ICAM2: variants seen among roughly 807,000 people sequenced by gnomAD.
ICAM2 encodes intercellular adhesion molecule 2.
ICAM2 carries 14 observed loss-of-function variants against 19.1 expected under a neutral mutation model. The observed-to-expected ratio is 0.73, with a 90% CI of 0.48 to 1.15. The LOEUF (loss-of-function observed/expected upper bound fraction) is 1.15. ICAM2 is among the 50% of genes most tolerant of loss of function. The pLI, the probability that ICAM2 is intolerant of heterozygous loss-of-function variation, is 0.00. For missense variants in ICAM2, 311 were observed against 355.4 expected, an observed-to-expected ratio of 0.88 and a Z score of 1.00; for synonymous variants, 153 against 152.7, an observed-to-expected ratio of 1.00 and a Z score of -0.01.
rs144876208 is a variant in ICAM2, at chr17:64,011,210, C to G, written c.-44-4475G>C. ...AGGCGTGGTGGCTTACACCCATAAT[C>G]CCAGCACTTTGGAAGGCCGAGGTGG... On this transcript the variant is annotated intron_variant, in intron 1 of 4. Transcript: ENST00000579788. Among the ~76,000 whole-genome samples, 60 of 152,274 alleles carry G rather than the reference C, an allele frequency of 3.9e-4. 1 individual carries two copies. The highest frequency in any genetic ancestry group is 1.4e-3 in the African/African-American group (60 of 41,568).
intron 2 of ICAM2, 149 bp downstream of exon 2, chr17:64,006,482 C>A: frequency 1.5e-6 from 1 of 662,798 alleles, no homozygotes; most frequent in Non-Finnish European, 2.7e-6. Context: ...GGGTGATAGA[C>A]CGAGACCCTG....
In ICAM2 at chr17:64,006,642, A is replaced by G; in HGVS notation, c.50T>C (p.Ile17Thr). Residue 17 changes from isoleucine (I) to threonine (T), a missense_variant, in exon 2 of 5, where the codon ATC (isoleucine) becomes ACC (threonine). Coordinates refer to ENST00000579788, the MANE Select transcript of ICAM2 (RefSeq NM_001099789.2). ...GGAAACTGGCTTACCTGGACAGCAG[A>G]TCAGGGTGAAGAGGGCCACAGTCAG... ...RTLTVALFTL[I>T]CCPGSDEKVF... 2 of 1,614,152 alleles carry G rather than the reference A, an allele frequency of 1.2e-6. No individual in the cohort carries two copies. The highest frequency in any genetic ancestry group is 1.7e-6 in the Non-Finnish European group (2 of 1,179,980).
At chr17:64,010,541 A>AG (rs1911408763) in intron 1 of ICAM2, among the ~76,000 whole-genome samples, 1 of 3,370 alleles carries the variant, frequency 3.0e-4, no homozygotes, top group African/African-American at 3.0e-4. Context: ...TGTTTGAAAG[A>AG]AAAAAAAAAA....
intron 1 of ICAM2, among the ~76,000 whole-genome samples, chr17:64,017,241 G>A (rs1165885103): frequency 6.6e-6 from 1 of 152,142 alleles, no homozygotes; most frequent in East Asian, 1.9e-4. Flanking sequence ...GTGACTCAAA[G>A]TAATAAGAGA....
intron 1 of ICAM2, among the ~76,000 whole-genome samples, chr17:64,014,334 A>AAGGAAG (rs1478789838): frequency 0.013 from 473 of 36,328 alleles, 8 homozygotes; most frequent in East Asian, 0.019. Flanking sequence ...AAGGAAGGAA[A>AAGGAAG]GAAAGAAAGA....
intron 1 of ICAM2, among the ~76,000 whole-genome samples, chr17:64,016,439 T>C (rs1267174825): frequency 1.3e-5 from 2 of 152,192 alleles, no homozygotes; most frequent in African/African-American, 4.8e-5. Context: ...ACTTATACTA[T>C]GCTTCTTTTT....
intron 4 of ICAM2, chr17:64,003,299 G>T: frequency 2.3e-6 from 1 of 425,832 alleles, no homozygotes; most frequent in South Asian, 2.8e-5. Context: ...CCTGTGTGCC[G>T]GCCGTCCAGG....
At chr17:64,019,204 A>G (rs901085699) in intron 1 of ICAM2, among the ~76,000 whole-genome samples, 4 of 152,212 alleles carry the variant, frequency 2.6e-5, no homozygotes, top group Non-Finnish European at 5.9e-5. Context: ...GTAACGCTAT[A>G]TAACTGTTTC....
At chr17:64,010,929 A>G (rs759199316) in intron 1 of ICAM2, among the ~76,000 whole-genome samples, 5 of 152,176 alleles carry the variant, frequency 3.3e-5, no homozygotes, top group Non-Finnish European at 5.9e-5. Context: ...TAAGTTATAT[A>G]AGGAATGGGA....
At chr17:64,020,068 C>T (rs1192679857) in intron 1 of ICAM2, among the ~76,000 whole-genome samples, 5 of 151,876 alleles carry the variant, frequency 3.3e-5, no homozygotes, top group Admixed American at 1.3e-4. Flanking sequence ...TAGGAAAGAC[C>T]CCCTCGAACC....
Position 64,002,683 on chromosome 17 carries a change from A to G in ICAM2, c.*64T>C. 1 of 1,479,106 alleles carries G rather than the reference A, an allele frequency of 6.8e-7. No homozygotes were observed. Among genetic ancestry groups the G allele is most frequent in the South Asian group, 1.2e-5 (1 of 83,068 alleles). 91.6% of individuals were successfully genotyped at this position (1,479,106 alleles called of 1,614,324 possible). Reference sequence around the variant, plus strand: ...AGTCCTTCAGCCAGGGCTGGACCTCAACCCTGAGGAGTCACACTGAGTTCC... The same window carrying G: ...AGTCCTTCAGCCAGGGCTGGACCTCGACCCTGAGGAGTCACACTGAGTTCC... On this transcript the variant is annotated 3_prime_UTR_variant, in exon 5 of 5. Transcript: ENST00000579788.
intron 1 of ICAM2, among the ~76,000 whole-genome samples, chr17:64,009,303 GTT>G (rs57585786): frequency 1.4e-5 from 2 of 140,246 alleles, no homozygotes; most frequent in African/African-American, 2.6e-5. Flanking sequence ...AGCATTTACT[GTT>G]TTTTTTTTTT....
chr17:64,003,478 G>A, intron 4 of ICAM2, 166 bp downstream of exon 4: 1 of 662,872 alleles, frequency 1.5e-6, no homozygotes, highest in Non-Finnish European at 2.6e-6. Flanking sequence ...GTCCAAGCTG[G>A]GGACTTGGAA....
intron 4 of ICAM2, chr17:64,003,390 G>A (rs1248323138): frequency 3.7e-6 from 2 of 534,576 alleles, no homozygotes; most frequent in Non-Finnish European, 6.7e-6. Flanking sequence ...GCCAAGGCCA[G>A]GGAGAGCCGT....
intron 1 of ICAM2, among the ~76,000 whole-genome samples, chr17:64,018,178 A>G (rs1911789305): frequency 6.6e-6 from 1 of 151,808 alleles, no homozygotes; most frequent in African/African-American, 2.4e-5. Flanking sequence ...CTGAAAATAC[A>G]AAAAAATTAG....
At chr17:64,011,370 G>A (rs1911446427) in intron 1 of ICAM2, among the ~76,000 whole-genome samples, 2 of 152,188 alleles carry the variant, frequency 1.3e-5, no homozygotes, top group South Asian at 4.1e-4. Context: ...GCTGAGGCAG[G>A]AGAATTGCTT....
At chr17:64,004,138 G>T (rs772200649) in intron 3 of ICAM2, 174 bp from the exon 4 acceptor site, 117 of 586,590 alleles carry the variant, frequency 2.0e-4, no homozygotes, top group South Asian at 1.1e-3. Context: ...AGGCTGGACT[G>T]TGTGGTAGTT....
Position 64,003,739 on chromosome 17 carries a change from T to C in ICAM2, c.554A>G (p.His185Arg), listed in dbSNP as rs79522450. Residue 185 changes from histidine to arginine, a missense_variant, in exon 4 of 5, where the codon CAC becomes CGC. Coordinates refer to ENST00000579788, the MANE Select transcript of ICAM2 (RefSeq NM_001099789.2). ...CACAGCCAGGCAGGAGAAGTTGCGG[T>C]GGCCATCCTCTCTGTCAGCCGTGCT... ...FNSTADREDG[H>R]RNFSCLAVLD... 1.1e-5 allele frequency: 17 copies of C among 1,614,124 alleles called. No homozygotes were observed. In the African/African-American group the frequency reaches 1.3e-4, roughly 13 times the overall value.
At chr17:64,016,326 A>G (rs553622685) in intron 1 of ICAM2, among the ~76,000 whole-genome samples, 2 of 152,334 alleles carry the variant, frequency 1.3e-5, no homozygotes, top group South Asian at 4.1e-4. Context: ...TCTGTGTCAT[A>G]TCACTTCTGC....
Sources: allele counts gnomAD v4.1 joint callset (sites outside exome capture counted in the v4.1 genomes callset), GRCh38; gene constraint gnomAD v4.1.1; transcripts MANE v1.5; gene names NCBI Gene and HGNC (gene_info 2026-07-23, HGNC 2026-07-21).